Variants in TINAG observed in about 807,000 individuals in gnomAD.
TINAG encodes the protein tubulointerstitial nephritis antigen.
In TINAG, 83 loss-of-function variants were observed where a neutral mutation model predicts 72.7. The observed-to-expected ratio is 1.14, with a 90% CI of 0.96 to 1.37. The LOEUF is 1.37. TINAG is among the 40% of genes most tolerant of loss of function. The pLI is 0.00. For missense variants in TINAG, 685 were observed against 576.6 expected, an observed-to-expected ratio of 1.19 and a Z score of -1.93; for synonymous variants, 234 against 189.9, an observed-to-expected ratio of 1.23 and a Z score of -1.91.
chr6:54,320,533 AT>A, intron 1 of TINAG, 45 bp from the exon 2 acceptor site: 1 of 1,467,480 alleles, frequency 6.8e-7, no homozygotes, highest in Non-Finnish European at 9.4e-7. Context: ...AATGCACTTT[AT>A]TACTTAGTTT....
intron 10 of TINAG, among the ~76,000 whole-genome samples, chr6:54,386,671 T>C (rs924578213): frequency 6.6e-6 from 1 of 151,940 alleles, no homozygotes; most frequent in Admixed American, 6.6e-5. Context: ...CCACATTTGG[T>C]CCACGAGCCA....
At chr6:54,385,565 A>T (rs1337039779) in intron 10 of TINAG, among the ~76,000 whole-genome samples, 5 of 152,144 alleles carry the variant, frequency 3.3e-5, no homozygotes, top group African/African-American at 1.2e-4. Flanking sequence ...CAAACATTTA[A>T]GGAATAAATG....
At chr6:54,379,757 T>C (rs1282404837) in intron 9 of TINAG, among the ~76,000 whole-genome samples, 1 of 152,014 alleles carries the variant, frequency 6.6e-6, no homozygotes, top group East Asian at 1.9e-4. Context: ...TTGTACCTCC[T>C]TTTTTAATCT....
rs544639315 is a variant in TINAG, at chr6:54,313,350, C to A, written c.355+4445C>A. The stretch of plus-strand genomic sequence containing the variant: ...AGTTTCTAATAGTGACAAGATTGGG[C>A]AGACAAGGGAAATTCACCCCTCACA... On this transcript the variant is annotated intron_variant, in intron 1 of 10. Coordinates refer to ENST00000259782, the MANE Select transcript of TINAG (RefSeq NM_014464.4). Among the ~76,000 whole-genome samples, 36 of 152,190 alleles carry A rather than the reference C, an allele frequency of 2.4e-4. 1 individual carries two copies. The East Asian group carries it at 5.8e-3, about 24-fold the overall frequency.
chr6:54,382,624 C>A lies in TINAG; in HGVS notation c.1296+2053C>A, dbSNP rs191833260. On this transcript the variant is annotated intron_variant, in intron 10 of 10. Transcript: ENST00000259782. ...ATAGATATAGACCTAACTAGAGATA[C>A]AACACCTGGGTCAGAAGTAAGGAGT... Among the ~76,000 whole-genome samples, 270 of 152,076 alleles carry A rather than the reference C, an allele frequency of 1.8e-3. 1 individual carries two copies. Among genetic ancestry groups the A allele is most frequent in the African/African-American group, 6.0e-3 (251 of 41,536 alleles).
chr6:54,361,258 G>A (rs183044837), intron 9 of TINAG, among the ~76,000 whole-genome samples: 1 of 151,538 alleles, frequency 6.6e-6, no homozygotes. Context: ...CAAGTGAAAG[G>A]AAGATGTATT....
chr6:54,381,905 T>C (rs1763961463), intron 10 of TINAG, among the ~76,000 whole-genome samples: 2 of 152,030 alleles, frequency 1.3e-5, no homozygotes, highest in Non-Finnish European at 2.9e-5. Flanking sequence ...GCTGAGTGAA[T>C]ATGAACGAAT....
chr6:54,334,436 A>C (rs908705987), intron 4 of TINAG, among the ~76,000 whole-genome samples: 4 of 152,224 alleles, frequency 2.6e-5, no homozygotes, highest in Admixed American at 6.5e-5. Context: ...TTCCAGTAGC[A>C]GGGCCTTCTA....
At chr6:54,349,194 T>C (rs994909364) in intron 6 of TINAG, among the ~76,000 whole-genome samples, 14 of 151,844 alleles carry the variant, frequency 9.2e-5, no homozygotes, top group Non-Finnish European at 5.9e-5. Flanking sequence ...ACTACAGATA[T>C]ATGATTGTTT....
chr6:54,332,832 A>G (rs886497610), intron 4 of TINAG, among the ~76,000 whole-genome samples: 3 of 152,358 alleles, frequency 2.0e-5, no homozygotes, highest in Admixed American at 6.5e-5. Context: ...TTCTCAAAAG[A>G]AGACATTTAT....
At chr6:54,310,590 C>T (rs1784221507) in intron 1 of TINAG, among the ~76,000 whole-genome samples, 1 of 145,132 alleles carries the variant, frequency 6.9e-6, no homozygotes, top group South Asian at 2.2e-4. Flanking sequence ...TCTCTTCTTT[C>T]TTTCTTTTCT....
chr6:54,349,711 C>T lies in TINAG; in HGVS notation c.900-5C>T. 1 of 1,553,578 alleles carries T rather than the reference C, an allele frequency of 6.4e-7. No homozygotes were observed. Among genetic ancestry groups the T allele is most frequent in the Non-Finnish European group, 8.7e-7 (1 of 1,143,624 alleles). ...TACCTTTGCTTCTTTGCTTATTCCT[C>T]ATAGACTGGTATCCCACGCATGCTA... On this transcript the variant is annotated splice_polypyrimidine_tract_variant and splice_region_variant and intron_variant, in intron 6 of 10. Transcript: ENST00000259782.
chr6:54,385,943 T>C (rs1764087901), intron 10 of TINAG, among the ~76,000 whole-genome samples: 1 of 133,498 alleles, frequency 7.5e-6, no homozygotes, highest in Non-Finnish European at 1.5e-5. Context: ...CAGGCTGGAG[T>C]GCAGTGTCGT....
intron 9 of TINAG, among the ~76,000 whole-genome samples, chr6:54,374,660 T>C (rs1463659252): frequency 6.6e-6 from 1 of 152,138 alleles, no homozygotes; most frequent in Non-Finnish European, 1.5e-5. Context: ...AGACTCTATC[T>C]GTAGTCTTAC....
chr6:54,387,830 A>G (rs1764137959), intron 10 of TINAG, among the ~76,000 whole-genome samples: 1 of 152,196 alleles, frequency 6.6e-6, no homozygotes, highest in African/African-American at 2.4e-5. Flanking sequence ...AACAAACAAA[A>G]TAAATGCTGA....
At chr6:54,342,676 C>G (rs1163521249) in intron 4 of TINAG, among the ~76,000 whole-genome samples, 1 of 152,126 alleles carries the variant, frequency 6.6e-6, no homozygotes, top group African/African-American at 2.4e-5. Flanking sequence ...TCCTGAAGTC[C>G]TTTTTAGACT....
intron 9 of TINAG, among the ~76,000 whole-genome samples, chr6:54,378,603 A>G (rs888735289): frequency 3.1e-4 from 47 of 152,322 alleles, no homozygotes; most frequent in Admixed American, 5.9e-4. Flanking sequence ...TAAAAGTAAT[A>G]GTTCGTATTT....
In TINAG at chr6:54,354,774, C is replaced by T; in HGVS notation, c.1250+138C>T. On this transcript the variant is annotated intron_variant, in intron 9 of 10. Coordinates refer to ENST00000259782, the MANE Select transcript of TINAG (RefSeq NM_014464.4). ...ATGAAAAATGATCTAAACCTTGCCA[C>T]TATTTAGTCATTATTTTAAAGTCCA... 4.1e-6 allele frequency: 4 copies of T among 984,010 alleles called. No homozygotes were observed. In the South Asian group the frequency reaches 6.7e-5, roughly 17 times the overall value. 61.0% of individuals were successfully genotyped at this position (984,010 alleles called of 1,614,324 possible). A position where few individuals can be genotyped will look rare whatever the true frequency, so the allele number is the denominator to read the frequency against.
intron 10 of TINAG, among the ~76,000 whole-genome samples, chr6:54,387,731 T>G (rs576020183): frequency 3.3e-5 from 5 of 152,298 alleles, no homozygotes; most frequent in Non-Finnish European, 5.9e-5. Context: ...ATACAAAAGA[T>G]GAAAAGTTAA....
Sources: allele counts gnomAD v4.1 joint callset (sites outside exome capture counted in the v4.1 genomes callset), GRCh38; gene constraint gnomAD v4.1.1; transcripts MANE v1.5; gene names NCBI Gene and HGNC (gene_info 2026-07-23, HGNC 2026-07-21).